The following CFAP57 variants were observed in gnomAD, a reference collection of about 807,000 sequenced individuals.
CFAP57 encodes cilia and flagella associated protein 57.
Under a neutral mutation model 146.8 loss-of-function variants are expected in CFAP57, and 116 were observed. The ratio of observed to expected loss-of-function variants is 0.79; its 90% CI spans 0.68 to 0.92. CFAP57 has a LOEUF of 0.92. Among genes scored for constraint, CFAP57 ranks in the 40% least tolerant of loss-of-function variants. The pLI, the probability that CFAP57 is intolerant of heterozygous loss-of-function variation, is 0.00. For synonymous variants in CFAP57, 518 were observed against 552.8 expected, an observed-to-expected ratio of 0.94 and a Z score of 0.88; for missense variants, 1,377 against 1,527.2, an observed-to-expected ratio of 0.90 and a Z score of 1.64.
rs137936405 is a variant in CFAP57, at chr1:43,206,903, C to T, written c.1726C>T (p.His576Tyr). The T allele has an allele frequency of 6.2e-5, 100 of 1,613,938 alleles. No individual in the cohort carries two copies. Among genetic ancestry groups the T allele is most frequent in the Non-Finnish European group, 7.5e-5 (89 of 1,180,026 alleles). The change falls in exon 10 of 23, where the codon CAC (histidine) becomes TAC (tyrosine). Residue 576 changes from histidine to tyrosine, a missense_variant. Transcript: ENST00000372492. ...AATTATCTTTGCTGTTGGATCAGAC[C>T]ACACCCTCAAGGAGATTGCAGATTC... is the stretch of plus-strand genomic sequence containing the variant. Reference protein sequence around the residue: ...AKIIFAVGSDHTLKEIADSLI... With the variant: ...AKIIFAVGSDYTLKEIADSLI...
Position 43,221,606 on chromosome 1 carries a change from C to T in CFAP57, c.2341+141C>T, listed in dbSNP as rs534785976. On this transcript the variant is annotated intron_variant, in intron 14 of 22. Coordinates refer to ENST00000372492, the MANE Select transcript of CFAP57 (RefSeq NM_001378189.1). ...AACAGGCTACATGTATCCCCTGGAA[C>T]TCACTGTGGTTTTCACTTCTGTGTT... The T allele has an allele frequency of 2.0e-5, 10 of 505,274 alleles. No individual in the cohort carries two copies. The East Asian group carries it at 3.3e-4, about 17-fold the overall frequency. The allele number at this position is 505,274 out of a possible 1,614,324, so 31.3% of individuals were successfully genotyped here.
chr1:43,240,825 A>G (rs551963888), intron 21 of CFAP57, among the ~76,000 whole-genome samples: 1 of 152,286 alleles, frequency 6.6e-6, no homozygotes, highest in Non-Finnish European at 1.5e-5. Flanking sequence ...GGCGTGTCAC[A>G]TGGCGAAAGA....
At chr1:43,207,714 G>A (rs1644416074) in intron 10 of CFAP57, among the ~76,000 whole-genome samples, 1 of 152,208 alleles carries the variant, frequency 6.6e-6, no homozygotes, top group African/African-American at 2.4e-5. Context: ...AAAGAGAGGA[G>A]CTCAGCAAGG....
At chr1:43,203,432 A>G (rs1644220509) in intron 9 of CFAP57, among the ~76,000 whole-genome samples, 1 of 152,054 alleles carries the variant, frequency 6.6e-6, no homozygotes, top group South Asian at 2.1e-4. Context: ...AAAATAAGCT[A>G]GTCTTTTTCA....
chr1:43,222,850 G>A lies in CFAP57; in HGVS notation c.2559G>A (p.Leu853=). 6.5e-7 allele frequency: 1 copy of A among 1,548,164 alleles called. No individual in the cohort carries two copies. The highest frequency in any genetic ancestry group is 8.7e-7 in the Non-Finnish European group (1 of 1,145,794). The change falls in exon 16 of 23, where the codon CTG becomes CTA. Residue 853 remains leucine, a synonymous_variant. Transcript: ENST00000372492. ...CACAGGAAGACGTCAGGCAGCAGCT[G>A]CGGGAGTTTGAAGAGACCAAGAAGC... is the stretch of plus-strand genomic sequence containing the variant. ...EEAQEDVRQQ[L]REFEETKKQI...
chr1:43,235,530 C>A (rs3862222), intron 21 of CFAP57, among the ~76,000 whole-genome samples: 1 of 152,116 alleles, frequency 6.6e-6, no homozygotes, highest in South Asian at 2.1e-4. Flanking sequence ...AGTTCATACA[C>A]AGCTGGGCAG....
In CFAP57 at chr1:43,206,773, A is replaced by G; in HGVS notation, c.1596A>G (p.Thr532=). Residue 532 remains threonine (T), a synonymous_variant, in exon 10 of 23, where the codon ACA becomes ACG. Transcript: ENST00000372492. ...ADDSKLISGG[T]DGAVYEWNLS... Reference sequence around the variant, plus strand: ...ATAGCAAACTGATTTCTGGTGGCACAGATGGTGCTGTGTATGAATGGAATC... The same window carrying G: ...ATAGCAAACTGATTTCTGGTGGCACGGATGGTGCTGTGTATGAATGGAATC... The G allele has an allele frequency of 6.2e-7, 1 of 1,614,190 alleles. No homozygotes were observed. Among genetic ancestry groups the G allele is most frequent in the Non-Finnish European group, 8.5e-7 (1 of 1,180,038 alleles).
At chr1:43,177,317 G>A (rs12094101) in intron 2 of CFAP57, 8,243 of 410,384 alleles carry the variant, frequency 0.02, 608 homozygotes, top group African/African-American at 0.16. Context: ...CACCATGTGG[G>A]GTGGAAGCAG....
chr1:43,206,616 G>A (rs1047133579), intron 9 of CFAP57, 104 bp from the exon 10 acceptor site: 72 of 1,142,520 alleles, frequency 6.3e-5, no homozygotes, highest in Non-Finnish European at 8.8e-5. Flanking sequence ...AGGAAAGGAC[G>A]TTCTGCTCAG....
chr1:43,204,854 G>A (rs965223296), intron 9 of CFAP57, among the ~76,000 whole-genome samples: 1 of 152,130 alleles, frequency 6.6e-6, no homozygotes, highest in East Asian at 1.9e-4. Context: ...ACAGCCTTGG[G>A]CATGCACAGA....
rs1297986346 is a variant in CFAP57, at chr1:43,227,132, A to G, written c.3009+6A>G. ...TGAAGGAACAGATTCAGGAGGTAAGAAGCCATTTGCAACACTCTGGCCTCT... is the reference window on the plus strand; with the variant it reads ...TGAAGGAACAGATTCAGGAGGTAAGGAGCCATTTGCAACACTCTGGCCTCT... On this transcript the variant is annotated splice_donor_region_variant and intron_variant, in intron 18 of 22. Transcript: ENST00000372492. The G allele has an allele frequency of 5.2e-6, 8 of 1,524,714 alleles. No homozygotes were observed. Among genetic ancestry groups the G allele is most frequent in the Non-Finnish European group, 7.0e-6 (8 of 1,136,478 alleles). The allele number at this position is 1,524,714 out of a possible 1,614,324, so 94.4% of individuals were successfully genotyped here.
intron 2 of CFAP57, among the ~76,000 whole-genome samples, chr1:43,176,241 G>T (rs672538): frequency 0.52 from 79,573 of 151,912 alleles, 22,929 homozygotes; most frequent in African/African-American, 0.78. Flanking sequence ...CAGAGTCCTG[G>T]GTACCTGCAA....
intron 2 of CFAP57, chr1:43,177,249 C>G (rs377303300): frequency 2.9e-5 from 13 of 455,432 alleles, no homozygotes; most frequent in East Asian, 2.1e-4. Flanking sequence ...TAGAGGCAGG[C>G]GACAGGGTGG....
chr1:43,186,567 T>C lies in CFAP57; in HGVS notation c.970-140T>C, dbSNP rs190835606. The stretch of plus-strand genomic sequence containing the variant: ...CGGAGCTTGCAGTGAGCTGAGATAG[T>C]GCCACTGCACTCTGGCCTGGGCAAA... On this transcript the variant is annotated intron_variant, in intron 5 of 22. Coordinates refer to ENST00000372492, the MANE Select transcript of CFAP57 (RefSeq NM_001378189.1). The C allele has an allele frequency of 3.2e-4, 263 of 820,692 alleles. No homozygotes were observed. In the African/African-American group the frequency reaches 4.7e-3, roughly 15 times the overall value. The allele number at this position is 820,692 out of a possible 1,614,324, so 50.8% of individuals were successfully genotyped here. A position where few individuals can be genotyped will look rare whatever the true frequency, so the allele number is the denominator to read the frequency against.
At position 43,183,720 on chromosome 1, in the gene CFAP57, G is replaced by T. The variant is rs752462607; in HGVS notation, c.604G>T (p.Ala202Ser). Residue 202 changes from alanine to serine, a missense_variant, in exon 4 of 23, where the codon GCT becomes TCT. Physicochemically the swap from Ala to Ser is moderately conservative, Grantham distance 99. Coordinates refer to ENST00000372492, the MANE Select transcript of CFAP57 (RefSeq NM_001378189.1). ...GAGGGGAGAACCCCAAAACTATCTA[G>T]CTCACACCTGGGTGGCTGATGACAA... ...FQRGEPQNYL[A>S]HTWVADDKIV... 6.2e-7 allele frequency: 1 copy of T among 1,614,190 alleles called. No individual in the cohort carries two copies. Among genetic ancestry groups the T allele is most frequent in the Non-Finnish European group, 8.5e-7 (1 of 1,180,042 alleles).
intron 12 of CFAP57, among the ~76,000 whole-genome samples, chr1:43,215,755 A>G (rs1195151557): frequency 3.9e-5 from 6 of 152,274 alleles, no homozygotes; most frequent in Non-Finnish European, 8.8e-5. Flanking sequence ...TGCTGGGCAC[A>G]TGGAAGACAA....
intron 22 of CFAP57, among the ~76,000 whole-genome samples, chr1:43,253,204 T>C (rs927715286): frequency 2.6e-5 from 4 of 151,952 alleles, no homozygotes; most frequent in African/African-American, 7.3e-5. Flanking sequence ...AGGGAGTAAA[T>C]CTAAAAGGAG....
chr1:43,230,466 G>A (rs1442862201), intron 18 of CFAP57, among the ~76,000 whole-genome samples: 1 of 152,108 alleles, frequency 6.6e-6, no homozygotes, highest in African/African-American at 2.4e-5. Flanking sequence ...TCAGGATAAA[G>A]GCAAACTTCT....
At chr1:43,239,895 T>C (rs577583336) in intron 21 of CFAP57, among the ~76,000 whole-genome samples, 7 of 152,340 alleles carry the variant, frequency 4.6e-5, no homozygotes, top group South Asian at 2.1e-4. Flanking sequence ...TCTCATCTTA[T>C]TCGGTTTGGT....
Sources: allele counts gnomAD v4.1 joint callset (sites outside exome capture counted in the v4.1 genomes callset), GRCh38; gene constraint gnomAD v4.1.1; transcripts MANE v1.5; gene names NCBI Gene and HGNC (gene_info 2026-07-23, HGNC 2026-07-21).